ZNF425: variants seen among roughly 807,000 people sequenced by gnomAD.
ZNF425 encodes the protein zinc finger protein 425.
ZNF425 carries 21 observed loss-of-function variants against 17.0 expected under a neutral mutation model. That is an observed-to-expected ratio of 1.23 (90% confidence interval 0.88 to 1.78). The LOEUF (loss-of-function observed/expected upper bound fraction) is 1.78, where lower values mean the gene tolerates loss of function less well. Among genes scored for constraint, ZNF425 ranks in the 40% most tolerant of loss-of-function variants. ZNF425 has a pLI of 0.00. For missense variants in ZNF425, 868 were observed against 967.3 expected, an observed-to-expected ratio of 0.90 and a Z score of 1.36; for synonymous variants, 433 against 384.1, an observed-to-expected ratio of 1.13 and a Z score of -1.49.
chr7:149,108,710 G>A (rs1826122471), intron 3 of ZNF425, among the ~76,000 whole-genome samples: 1 of 152,044 alleles, frequency 6.6e-6, no homozygotes, highest in South Asian at 2.1e-4. Flanking sequence ...TGGCTAACAC[G>A]GTGAAACCCC....
Position 149,105,568 on chromosome 7 carries a change from T to C in ZNF425, c.305-2A>G. ...TTGTCCTGGGAGTTCCTTCGTCATC[T>C]GGAGCAGAAAGAAGTATCACTCTCA... On this transcript the variant is annotated splice_acceptor_variant, in intron 3 of 3. Coordinates refer to ENST00000378061, the MANE Select transcript of ZNF425 (RefSeq NM_001001661.3). LOFTEE classifies it high-confidence loss of function. 2.0e-6 allele frequency: 3 copies of C among 1,506,558 alleles called. No individual in the cohort carries two copies. Among genetic ancestry groups the C allele is most frequent in the Non-Finnish European group, 2.6e-6 (3 of 1,132,482 alleles). 93.3% of individuals were successfully genotyped at this position (1,506,558 alleles called of 1,614,324 possible).
chr7:149,124,765 TC>T (rs1405431852), intron 1 of ZNF425, among the ~76,000 whole-genome samples: 1 of 151,962 alleles, frequency 6.6e-6, no homozygotes, highest in East Asian at 1.9e-4. Flanking sequence ...GGTCTCGAAC[TC>T]CCGACCTCAG....
chr7:149,115,235 C>A (rs986355436), intron 2 of ZNF425, among the ~76,000 whole-genome samples: 2 of 150,936 alleles, frequency 1.3e-5, no homozygotes, highest in African/African-American at 4.9e-5. Context: ...CAGGCATGAG[C>A]CCCCACGCCT....
chr7:149,108,095 C>T (rs974010547), intron 3 of ZNF425, among the ~76,000 whole-genome samples: 4 of 151,942 alleles, frequency 2.6e-5, no homozygotes, highest in African/African-American at 9.7e-5. Flanking sequence ...TAGTCTCAAA[C>T]TCCTGGCTTC....
intron 2 of ZNF425, among the ~76,000 whole-genome samples, chr7:149,115,149 T>C (rs1826244286): frequency 6.9e-6 from 1 of 144,984 alleles, no homozygotes; most frequent in Non-Finnish European, 1.5e-5. Context: ...GGGGTTTCAC[T>C]ATGTTGGCCA....
rs1137432 is a variant in ZNF425, at chr7:149,104,566, C to T, written c.1305G>A (p.Gln435=). 1,046,703 of 1,613,574 alleles carry T rather than the reference C, an allele frequency of 0.65. 350,396 individuals are homozygous for T. The highest frequency in any genetic ancestry group is 0.91 in the East Asian group (40,883 of 44,856). ...LKRSLKAHGL[Q]HIGKRPFQCP... ...ACTGGAAGGGCCGCTTCCCAATGTGCTGCAGCCCGTGGGCTTTCAGGCTTC... is the reference window on the plus strand; with the variant it reads ...ACTGGAAGGGCCGCTTCCCAATGTGTTGCAGCCCGTGGGCTTTCAGGCTTC... The change falls in exon 4 of 4, where the codon CAG becomes CAA. Residue 435 remains glutamine, a synonymous_variant. Transcript: ENST00000378061. The surrounding 1 kb of genome is among the most constrained non-coding windows in gnomAD (Gnocchi z 4.3).
intron 1 of ZNF425, among the ~76,000 whole-genome samples, chr7:149,124,595 G>A (rs898807485): frequency 6.6e-6 from 1 of 152,120 alleles, no homozygotes; most frequent in Non-Finnish European, 1.5e-5. Context: ...AGGCTGGAGT[G>A]CAATGGCACG....
chr7:149,105,957 C>CCT (rs71529677), intron 3 of ZNF425, among the ~76,000 whole-genome samples: 2 of 119,384 alleles, frequency 1.7e-5, no homozygotes. Flanking sequence ...AATTTTTTTC[C>CCT]TTTTTTTTTT....
rs975818491 is a variant in ZNF425 at position 149,103,671 on chromosome 7, C to T, written c.2200G>A (p.Val734Met). 3 of 1,613,964 alleles carry T rather than the reference C, an allele frequency of 1.9e-6. No homozygotes were observed. The highest frequency in any genetic ancestry group is 2.5e-6 in the Non-Finnish European group (3 of 1,179,944). The change falls in exon 4 of 4, where the codon GTG becomes ATG. Residue 734 changes from valine to methionine, a missense_variant. By Grantham distance (21) the Val-to-Met change is conservative. This residue lies in a region of ZNF425 where 437 missense variants were observed against 444.2 expected (regional missense o/e 0.98). Transcript: ENST00000378061. ...GCAATGTGGGTCTTGAGCGCCCCCA[C>T]GTACGTGAAGCTCCTTCCACACTCA... is the stretch of plus-strand genomic sequence containing the variant. Reference protein sequence around the residue: ...CDECGRSFTYVGALKTHIAVH... With the variant: ...CDECGRSFTYMGALKTHIAVH...
At position 149,121,260 on chromosome 7, in the gene ZNF425, A is replaced by AT. The variant is rs1174076499; in HGVS notation, c.19-2913dup. On this transcript the variant is annotated intron_variant, in intron 1 of 3. Transcript: ENST00000378061. ...AGGCGCCCGCCACTACGCCCGGCTA[A>AT]TTTTTTTTGTATTTTTAGTAGAGAC... Among the ~76,000 whole-genome samples, 2 of 31,244 alleles carry AT rather than the reference A, an allele frequency of 6.4e-5. 1 individual carries two copies. The highest frequency in any genetic ancestry group is 1.3e-4 in the Non-Finnish European group (2 of 15,894). The allele number at this position is 31,244 out of a possible 152,430, so 20.5% of individuals were successfully genotyped here.
intron 2 of ZNF425, among the ~76,000 whole-genome samples, chr7:149,115,519 G>T (rs1302929463): frequency 6.6e-6 from 1 of 151,014 alleles, no homozygotes; most frequent in South Asian, 2.1e-4. Flanking sequence ...GTGAAACCCT[G>T]TCTCTACTAA....
chr7:149,118,461 G>T, intron 1 of ZNF425, 113 bp from the exon 2 acceptor site: 1 of 1,268,672 alleles, frequency 7.9e-7, no homozygotes, highest in Admixed American at 2.0e-5. Flanking sequence ...TTTCTGGATG[G>T]TGCCATATTA....
chr7:149,104,259 G>C lies in ZNF425; in HGVS notation c.1612C>G (p.Arg538Gly). ...CTCGTGTGCTCTGTGAGATGCGCGC[G>C]TCGGCGGAAACTGCGGCCGCACTCG... is the stretch of plus-strand genomic sequence containing the variant. ...CAECGRSFRR[R>G]AHLTEHTRLH... Residue 538 changes from arginine to glycine, a missense_variant, in exon 4 of 4, where the codon CGC becomes GGC. By Grantham distance (125) the Arg-to-Gly change is moderately radical. Transcript: ENST00000378061. This position sits in a 1 kb window ranked among gnomAD's most constrained non-coding sequence, Gnocchi z 4.3. 1 of 1,613,590 alleles carries C rather than the reference G, an allele frequency of 6.2e-7. No individual in the cohort carries two copies. The highest frequency in any genetic ancestry group is 8.5e-7 in the Non-Finnish European group (1 of 1,179,856).
chr7:149,126,034 G>T, intron 1 of ZNF425, 162 bp downstream of exon 1: 1 of 1,411,158 alleles, frequency 7.1e-7, no homozygotes, highest in Non-Finnish European at 9.8e-7. Context: ...CACGCAGCAA[G>T]ACTGCACCTT....
intron 2 of ZNF425, among the ~76,000 whole-genome samples, chr7:149,114,677 G>A (rs774300872): frequency 2.6e-4 from 40 of 151,456 alleles, no homozygotes; most frequent in Non-Finnish European, 1.5e-4. Flanking sequence ...GATTACAGGC[G>A]TGAACCACTG....
chr7:149,107,835 C>CGTTTATTT (rs146319691), intron 3 of ZNF425, among the ~76,000 whole-genome samples: 2 of 138,010 alleles, frequency 1.4e-5, no homozygotes, highest in Non-Finnish European at 3.1e-5. Context: ...AACTCTCTCC[C>CGTTTATTT]ATTTATTTAT....
In ZNF425 at chr7:149,125,749, C is replaced by A. The variant is rs559148826; in HGVS notation, c.18+447G>T. ...GGCAGTGGCTATTCACAGGCGCGATCCCACTAACGATCAGCACTGGGGTTT... is the reference window on the plus strand; with the variant it reads ...GGCAGTGGCTATTCACAGGCGCGATACCACTAACGATCAGCACTGGGGTTT... On this transcript the variant is annotated intron_variant, in intron 1 of 3. Coordinates refer to ENST00000378061, the MANE Select transcript of ZNF425 (RefSeq NM_001001661.3). 1,077 of 235,180 alleles carry A rather than the reference C, an allele frequency of 4.6e-3. 5 individuals are homozygous for A. Among genetic ancestry groups the A allele is most frequent in the Non-Finnish European group, 7.5e-3 (895 of 119,118 alleles). The allele number at this position is 235,180 out of a possible 1,614,324, so 14.6% of individuals were successfully genotyped here.
intron 1 of ZNF425, among the ~76,000 whole-genome samples, chr7:149,122,777 C>T (rs1272748855): frequency 6.6e-6 from 1 of 151,218 alleles, no homozygotes; most frequent in Non-Finnish European, 1.5e-5. Context: ...CTCACTACAA[C>T]CTCTGCCTCC....
chr7:149,125,999 TCC>T, intron 1 of ZNF425, 195 bp downstream of exon 1: 1 of 1,183,898 alleles, frequency 8.4e-7, no homozygotes, highest in Non-Finnish European at 1.2e-6. Context: ...GACCAGCTTT[TCC>T]CCAGGTCAAT....
Sources: allele counts gnomAD v4.1 joint callset (sites outside exome capture counted in the v4.1 genomes callset), GRCh38; gene constraint gnomAD v4.1.1; regional missense constraint gnomAD v4.1.1; non-coding constraint Gnocchi (gnomAD v3.1); transcripts MANE v1.5; gene names NCBI Gene and HGNC (gene_info 2026-07-23, HGNC 2026-07-21).